The following MAPKAPK5 variants were observed in gnomAD, a reference collection of about 807,000 sequenced individuals.
MAPKAPK5 encodes the protein MAPK activated protein kinase 5, also known as MAP kinase-activated protein kinase 5.
In MAPKAPK5, 30 loss-of-function variants were observed where a neutral mutation model predicts 65.1. The observed-to-expected ratio is 0.46, with a 90% confidence interval of 0.34 to 0.63. The LOEUF (loss-of-function observed/expected upper bound fraction) is 0.63, where lower values mean the gene tolerates loss of function less well. MAPKAPK5 is among the 20% of genes least tolerant of loss of function. MAPKAPK5 has a pLI of 0.01. For synonymous variants in MAPKAPK5, 179 were observed against 204.6 expected (o/e 0.87, Z 1.07); for missense variants, 433 against 581.4 (o/e 0.74, Z 2.63).
At chr12:111,875,986 A>G (rs2069949316) in intron 7 of MAPKAPK5, among the ~76,000 whole-genome samples, 1 of 151,962 alleles carries the variant, frequency 6.6e-6, no homozygotes, top group Admixed American at 6.6e-5. Context: ...GGGGTGGATC[A>G]CTTGAGGTCA....
chr12:111,892,338 C>T (rs1340505992), intron 13 of MAPKAPK5, among the ~76,000 whole-genome samples: 1 of 152,198 alleles, frequency 6.6e-6, no homozygotes, highest in African/African-American at 2.4e-5. Flanking sequence ...AGGTCTTCAT[C>T]TGTCTGGCTT....
At chr12:111,878,877 A>G (rs1315854281) in intron 7 of MAPKAPK5, among the ~76,000 whole-genome samples, 1 of 152,112 alleles carries the variant, frequency 6.6e-6, no homozygotes, top group Non-Finnish European at 1.5e-5. Context: ...TGATCTCTTT[A>G]TCTATCTTTA....
At chr12:111,843,240 T>TG in intron 1 of MAPKAPK5, 1 of 398,666 alleles carries the variant, frequency 2.5e-6, no homozygotes, top group Non-Finnish European at 4.4e-6. Flanking sequence ...ACCTGTCCTT[T>TG]GGGGAATAGG....
intron 7 of MAPKAPK5, among the ~76,000 whole-genome samples, chr12:111,873,865 G>A (rs1007620667): frequency 1.3e-5 from 2 of 152,086 alleles, no homozygotes; most frequent in African/African-American, 4.8e-5. Context: ...CTGTATAACA[G>A]AAAAGCCTCC....
chr12:111,842,389 C>T lies in MAPKAPK5; in HGVS notation c.-345C>T, dbSNP rs930578011. On this transcript the variant is annotated 5_prime_UTR_variant, in exon 1 of 14. Transcript: ENST00000550735. Reference sequence around the variant, plus strand: ...AGGTCTAAGCGGCGGCCCCGCGAGGCCCTTGCACGGCGCCCCGGGTCGAGG... The same window carrying T: ...AGGTCTAAGCGGCGGCCCCGCGAGGTCCTTGCACGGCGCCCCGGGTCGAGG... The T allele has an allele frequency of 4.1e-5, 8 of 195,432 alleles. No individual in the cohort carries two copies. Among genetic ancestry groups the T allele is most frequent in the South Asian group, 1.9e-4 (1 of 5,272 alleles). The allele number at this position is 195,432 out of a possible 1,614,324, so 12.1% of individuals were successfully genotyped here.
chr12:111,889,593 G>C (rs1465186716), intron 12 of MAPKAPK5: 1 of 168,354 alleles, frequency 5.9e-6, no homozygotes, highest in Non-Finnish European at 1.3e-5. Flanking sequence ...CACGTACTAG[G>C]CCAGAAAACA....
chr12:111,868,755 C>T lies in MAPKAPK5; in HGVS notation c.287C>T (p.Ala96Val). ...VQFPHESSPR[A>V]RLLIVMEMME... ...CAAAATCAAATGCTTTCAAACAGGG[C>T]CCGACTCTTAATTGTAATGGAGATG... is the stretch of plus-strand genomic sequence containing the variant. Residue 96 changes from alanine (A) to valine (V), a missense_variant and splice_region_variant, in exon 5 of 14, where the codon GCC becomes GTC. Coordinates refer to ENST00000550735, the MANE Select transcript of MAPKAPK5 (RefSeq NM_003668.4). 6.5e-7 allele frequency: 1 copy of T among 1,549,158 alleles called. No individual in the cohort carries two copies.
chr12:111,885,415 A>G (rs1048529778), intron 9 of MAPKAPK5: 3 of 152,458 alleles, frequency 2.0e-5, no homozygotes, highest in African/African-American at 7.2e-5. Context: ...TTAGCTTTTG[A>G]ATGTCTGTGG....
intron 5 of MAPKAPK5, 108 bp downstream of exon 5, chr12:111,868,969 T>A: frequency 1.3e-6 from 1 of 790,966 alleles, no homozygotes; most frequent in Non-Finnish European, 2.0e-6. Flanking sequence ...ATTTGACTTC[T>A]CATTGCCTGC....
intron 7 of MAPKAPK5, among the ~76,000 whole-genome samples, chr12:111,877,338 A>G (rs1210468747): frequency 2.0e-5 from 3 of 151,080 alleles, no homozygotes; most frequent in African/African-American, 7.3e-5. Context: ...TTTCTTTAAT[A>G]TTTCTGGCCT....
Position 111,884,135 on chromosome 12 carries a change from G to A in MAPKAPK5, c.848+367G>A, listed in dbSNP as rs531213771. ...AATGCCAGGAGGTGAACTAGGTGCC[G>A]AGATGACAAACAGCATCCTTGGATG... On this transcript the variant is annotated intron_variant, in intron 9 of 13. Coordinates refer to ENST00000550735, the MANE Select transcript of MAPKAPK5 (RefSeq NM_003668.4). 3.9e-4 allele frequency among the ~76,000 whole-genome samples: 59 copies of A among 152,238 alleles called. 2 individuals are homozygous for A. The Middle Eastern group carries it at 0.01, about 26-fold the overall frequency.
At chr12:111,867,802 CT>C (rs2136108724) in intron 4 of MAPKAPK5, 133 bp downstream of exon 4, 1 of 682,230 alleles carries the variant, frequency 1.5e-6, no homozygotes, top group African/African-American at 1.8e-5. Context: ...GCCCTTCCTT[CT>C]CCCCCTCCAT....
At chr12:111,863,252 T>C (rs2136100022) in intron 1 of MAPKAPK5, among the ~76,000 whole-genome samples, 1 of 152,286 alleles carries the variant, frequency 6.6e-6, no homozygotes, top group South Asian at 2.1e-4. Context: ...TGTATAGCGA[T>C]CTTTTGGGTC....
In MAPKAPK5 at chr12:111,895,138, C is replaced by T. The variant is rs1437195578; in HGVS notation, c.*2077C>T. ...TTGAGATGGATTCTTGCTCTGTCGC[C>T]CAGGCTGGAGTGCAGTGGCGCGATC... is the stretch of plus-strand genomic sequence containing the variant. On this transcript the variant is annotated 3_prime_UTR_variant, in exon 14 of 14. Coordinates refer to ENST00000550735, the MANE Select transcript of MAPKAPK5 (RefSeq NM_003668.4). 3 of 146,304 alleles carry T rather than the reference C, an allele frequency of 2.1e-5. No individual in the cohort carries two copies. The highest frequency in any genetic ancestry group is 4.5e-5 in the Non-Finnish European group (3 of 67,112). The allele number at this position is 146,304 out of a possible 1,614,324, so 9.1% of individuals were successfully genotyped here.
chr12:111,867,572 G>A lies in MAPKAPK5; in HGVS notation c.187G>A (p.Val63Ile), dbSNP rs2069654673. 1 of 1,612,486 alleles carries A rather than the reference G, an allele frequency of 6.2e-7. No individual in the cohort carries two copies. The highest frequency in any genetic ancestry group is 1.3e-5 in the African/African-American group (1 of 74,850). ...ATACATTTCCTCTGTTCTCTTTAAG[G>A]TACGTCTGCACATGATGTGTGCCAC... is the stretch of plus-strand genomic sequence containing the variant. ...LLDRPKARNEVRLHMMCATHP... is the reference protein window; with the variant it reads ...LLDRPKARNEIRLHMMCATHP... The change falls in exon 4 of 14, where the codon GTA becomes ATA. Residue 63 changes from valine (V) to isoleucine (I), a missense_variant and splice_region_variant. Around this residue, in one of 3 missense-constraint regions of MAPKAPK5, gnomAD observed 165 missense variants for 180.0 expected, o/e 0.92. Transcript: ENST00000550735.
intron 7 of MAPKAPK5, among the ~76,000 whole-genome samples, chr12:111,878,106 CTT>C (rs1182591581): frequency 6.7e-6 from 1 of 150,098 alleles, no homozygotes; most frequent in East Asian, 1.9e-4. Flanking sequence ...TGTGGCTTAT[CTT>C]TTCATTCTTT....
At chr12:111,850,959 C>A (rs2069062533) in intron 1 of MAPKAPK5, among the ~76,000 whole-genome samples, 1 of 147,316 alleles carries the variant, frequency 6.8e-6, no homozygotes, top group Non-Finnish European at 1.5e-5. Context: ...AGTGCAGTGG[C>A]ACGATCGCGG....
At chr12:111,867,162 G>C (rs1157133151) in intron 3 of MAPKAPK5, among the ~76,000 whole-genome samples, 1 of 151,934 alleles carries the variant, frequency 6.6e-6, no homozygotes, top group African/African-American at 2.4e-5. Context: ...AAACTCCTGG[G>C]CTCAAGTGAT....
chr12:111,855,718 T>G (rs1221075986), intron 1 of MAPKAPK5, among the ~76,000 whole-genome samples: 4 of 151,846 alleles, frequency 2.6e-5, no homozygotes, highest in African/African-American at 7.3e-5. Context: ...TCCCAGCTAC[T>G]TGGGAAGCTG....
Sources: allele counts gnomAD v4.1 joint callset (sites outside exome capture counted in the v4.1 genomes callset), GRCh38; gene constraint gnomAD v4.1.1; regional missense constraint gnomAD v4.1.1; transcripts MANE v1.5; gene names NCBI Gene and HGNC (gene_info 2026-07-23, HGNC 2026-07-21).